The following ABCG2 variants were observed in gnomAD, a reference collection of about 807,000 sequenced individuals.
ABCG2 encodes the protein ATP binding cassette subfamily G member 2 (JR blood group).
A neutral mutation model predicts 73.5 loss-of-function variants in ABCG2; 80 were observed. That is an observed-to-expected ratio of 1.09 (90% CI 0.91 to 1.31). The LOEUF is 1.31. Among genes scored for constraint, ABCG2 ranks in the 50% most tolerant of loss-of-function variants. The pLI, the probability that ABCG2 is intolerant of heterozygous loss-of-function variation, is 0.00. For missense variants in ABCG2, 796 were observed against 786.2 expected, an observed-to-expected ratio of 1.01 and a Z score of -0.15; for synonymous variants, 269 against 282.4, an observed-to-expected ratio of 0.95 and a Z score of 0.48.
At chr4:88,131,278 T>C in intron 4 of ABCG2, 65 bp from the exon 5 acceptor site, 1 of 1,498,560 alleles carries the variant, frequency 6.7e-7, no homozygotes, top group Non-Finnish European at 9.2e-7. Flanking sequence ...CCATGACTGT[T>C]TAGTATACAT....
chr4:88,204,314 G>C (rs552855346), intron 1 of ABCG2, among the ~76,000 whole-genome samples: 1 of 152,124 alleles, frequency 6.6e-6, no homozygotes, highest in Non-Finnish European at 1.5e-5. Context: ...CCAGCTACTC[G>C]GGAGGCTGAG....
intron 7 of ABCG2, among the ~76,000 whole-genome samples, chr4:88,117,898 T>G (rs889764046): frequency 6.6e-6 from 1 of 152,104 alleles, no homozygotes; most frequent in Admixed American, 6.6e-5. Flanking sequence ...GCATGCACAT[T>G]GAAATAAGAC....
chr4:88,156,096 C>T (rs1000636945), intron 1 of ABCG2, among the ~76,000 whole-genome samples: 1 of 151,596 alleles, frequency 6.6e-6, no homozygotes, highest in Admixed American at 6.6e-5. Context: ...AAAAAGAGTC[C>T]GGGCATGATA....
intron 8 of ABCG2, 143 bp downstream of exon 8, chr4:88,114,814 G>A: frequency 1.8e-6 from 1 of 547,904 alleles, no homozygotes; most frequent in Admixed American, 3.3e-5. Context: ...AGCACTCACA[G>A]ACAACAAAAT....
chr4:88,139,748 G>A, intron 2 of ABCG2, 45 bp downstream of exon 2: 1 of 1,553,172 alleles, frequency 6.4e-7, no homozygotes. Flanking sequence ...GAGGTTCACT[G>A]TAGGTAAATT....
In ABCG2 at chr4:88,109,808, T is replaced by C. The variant is rs113125295; in HGVS notation, c.1195-2542A>G. ...GAGAGTCATAAAACATTTTAACAAC[T>C]CAATTTTCAAGAACTCAGAATTAAA... On this transcript the variant is annotated intron_variant, in intron 9 of 15. Transcript: ENST00000237612. Among the ~76,000 whole-genome samples, 299 of 152,286 alleles carry C rather than the reference T, an allele frequency of 2.0e-3. 1 individual carries two copies. Among genetic ancestry groups the C allele is most frequent in the African/African-American group, 5.0e-3 (206 of 41,558 alleles).
In ABCG2 at chr4:88,113,584, A is replaced by T. The variant is rs753817569; in HGVS notation, c.944-31T>A. On this transcript the variant is annotated intron_variant, in intron 8 of 15. Coordinates refer to ENST00000237612, the MANE Select transcript of ABCG2 (RefSeq NM_004827.3). ...CAATCAGTGGATAAAAAGGAAACAC[A>T]AACAAGATAACAACAAATTTAGCCC... The T allele has an allele frequency of 1.9e-6, 3 of 1,600,704 alleles. No individual in the cohort carries two copies. The African/African-American group carries it at 4.0e-5, about 22-fold the overall frequency.
intron 1 of ABCG2, among the ~76,000 whole-genome samples, chr4:88,178,154 G>C (rs1233256244): frequency 6.6e-6 from 1 of 152,126 alleles, no homozygotes; most frequent in Non-Finnish European, 1.5e-5. Flanking sequence ...TCACAGCTCT[G>C]GGAGAAACTC....
intron 5 of ABCG2, among the ~76,000 whole-genome samples, chr4:88,130,233 C>G (rs1159456060): frequency 6.6e-6 from 1 of 152,102 alleles, no homozygotes; most frequent in Non-Finnish European, 1.5e-5. Flanking sequence ...CTTGCATTAC[C>G]ACCTGAGCTC....
chr4:88,102,411 C>T (rs997228259), intron 10 of ABCG2, among the ~76,000 whole-genome samples: 2 of 152,034 alleles, frequency 1.3e-5, no homozygotes, highest in African/African-American at 4.8e-5. Context: ...GCCTAACCAA[C>T]ATGGTGAAAC....
At position 88,199,953 on chromosome 4, in the gene ABCG2, A is replaced by G. The variant is rs150614746; in HGVS notation, c.-20+31041T>C. Among the ~76,000 whole-genome samples the G allele has an allele frequency of 6.9e-3, 1,048 of 152,304 alleles. 17 individuals are homozygous for G. Among genetic ancestry groups the G allele is most frequent in the African/African-American group, 0.024 (984 of 41,566 alleles). Reference sequence around the variant, plus strand: ...GCAGGCAGAGCTTGCAGTGAGCAAGATCGCGCCACTGCACTCCAGCCTGGG... The same window carrying G: ...GCAGGCAGAGCTTGCAGTGAGCAAGGTCGCGCCACTGCACTCCAGCCTGGG... On this transcript the variant is annotated intron_variant, in intron 1 of 15. Transcript: ENST00000515655.
chr4:88,202,659 C>T (rs532638359), intron 1 of ABCG2, among the ~76,000 whole-genome samples: 19 of 151,894 alleles, frequency 1.3e-4, no homozygotes, highest in Non-Finnish European at 2.6e-4. Context: ...GGCTCCACCC[C>T]GTTCTCCCAG....
At chr4:88,125,148 TGG>T (rs1724298424) in intron 5 of ABCG2, among the ~76,000 whole-genome samples, 1 of 148,192 alleles carries the variant, frequency 6.7e-6, no homozygotes, top group Non-Finnish European at 1.5e-5. Flanking sequence ...AAAAATTAGC[TGG>T]GCGTGGTGGC....
At chr4:88,137,445 G>A (rs2052076977) in intron 2 of ABCG2, among the ~76,000 whole-genome samples, 1 of 152,168 alleles carries the variant, frequency 6.6e-6, no homozygotes, top group African/African-American at 2.4e-5. Context: ...AGCCAAGTTT[G>A]GCAGACATCA....
At chr4:88,159,341 G>A (rs938912293), upstream of ABCG2, 5 of 387,402 alleles carry the variant, frequency 1.3e-5, no homozygotes, top group Admixed American at 1.2e-4. Flanking sequence ...CTGGTGAATG[G>A]GATTCTGAGA....
intron 1 of ABCG2, among the ~76,000 whole-genome samples, chr4:88,195,772 T>G (rs1728919460): frequency 6.6e-6 from 1 of 152,186 alleles, no homozygotes; most frequent in Non-Finnish European, 1.5e-5. Flanking sequence ...TCCCTTGGGC[T>G]GGGCTGTCTG....
intron 1 of ABCG2, among the ~76,000 whole-genome samples, chr4:88,167,801 T>G (rs1727600585): frequency 6.6e-6 from 1 of 152,158 alleles, no homozygotes; most frequent in Non-Finnish European, 1.5e-5. Context: ...GTACCTAGAT[T>G]AGTGCTTGAT....
intron 1 of ABCG2, among the ~76,000 whole-genome samples, chr4:88,189,022 C>CAA (rs568474006): frequency 1.9e-4 from 28 of 151,310 alleles, no homozygotes; most frequent in East Asian, 3.9e-4. Flanking sequence ...TAAACAACAA[C>CAA]AAAAAAAACA....
At chr4:88,174,585 T>C (rs926143675) in intron 1 of ABCG2, among the ~76,000 whole-genome samples, 3 of 152,094 alleles carry the variant, frequency 2.0e-5, no homozygotes, top group African/African-American at 7.2e-5. Context: ...ACAGACAGGG[T>C]TTCTCCATGT....
Sources: allele counts gnomAD v4.1 joint callset (sites outside exome capture counted in the v4.1 genomes callset), GRCh38; gene constraint gnomAD v4.1.1; transcripts MANE v1.5; gene names NCBI Gene and HGNC (gene_info 2026-07-23, HGNC 2026-07-21).